PCDH15: variants seen among roughly 807,000 people sequenced by gnomAD.
PCDH15 encodes the protein protocadherin related 15.
In PCDH15, 129 loss-of-function variants were observed where a neutral mutation model predicts 178.5. That is an observed-to-expected ratio of 0.72 (90% CI 0.63 to 0.84). The LOEUF is 0.84. Ranked by LOEUF, PCDH15 falls within the 40% of genes least tolerant of loss-of-function variation. The pLI is 0.00. For synonymous variants in PCDH15, 800 were observed against 732.0 expected (o/e 1.09, Z -1.50); for missense variants, 2,230 against 2,099.9 (o/e 1.06, Z -1.21).
At chr10:54,765,061 C>T (rs369967437) in intron 1 of PCDH15, among the ~76,000 whole-genome samples, 2 of 152,206 alleles carry the variant, frequency 1.3e-5, no homozygotes, top group East Asian at 3.9e-4. Context: ...GAGGTTGATA[C>T]TTGAAAAGAA....
At position 55,087,605 on chromosome 10, in the gene PCDH15, G is replaced by C. The variant is rs535015604; in HGVS notation, c.-80+78971C>G. 1.5e-4 allele frequency among the ~76,000 whole-genome samples: 23 copies of C among 152,174 alleles called. No homozygotes were observed. In the South Asian group the frequency reaches 4.6e-3, roughly 30 times the overall value. On this transcript the variant is annotated intron_variant, in intron 2 of 5. Transcript: ENST00000458638. The stretch of plus-strand genomic sequence containing the variant: ...TGGAGGCTTCCCTGGATTATTGTTG[G>C]CATAGCTAAGACCAGAGAACAGTTA...
chr10:53,857,988 G>T (rs1218820877), intron 27 of PCDH15, among the ~76,000 whole-genome samples: 1 of 151,934 alleles, frequency 6.6e-6, no homozygotes, highest in Non-Finnish European at 1.5e-5. Flanking sequence ...GAATCAGGTT[G>T]TTATTAATAT....
chr10:55,224,069 T>A (rs953273055), intron 1 of PCDH15, among the ~76,000 whole-genome samples: 1 of 152,000 alleles, frequency 6.6e-6, no homozygotes, highest in Non-Finnish European at 1.5e-5. Flanking sequence ...CTGGACAACA[T>A]GGCGAAGCCC....
intron 2 of PCDH15, among the ~76,000 whole-genome samples, chr10:55,468,877 C>T (rs1303166555): frequency 6.6e-6 from 1 of 152,148 alleles, no homozygotes; most frequent in East Asian, 1.9e-4. Flanking sequence ...CTCTTATTTT[C>T]ACACACTGTC....
intron 2 of PCDH15, among the ~76,000 whole-genome samples, chr10:55,389,269 TAGAG>T (rs1837735482): frequency 6.6e-6 from 1 of 151,700 alleles, no homozygotes; most frequent in Non-Finnish European, 1.5e-5. Context: ...GGTGGAAAAA[TAGAG>T]AGGACATGGA....
chr10:54,432,806 A>C (rs1957114332), intron 3 of PCDH15, among the ~76,000 whole-genome samples: 1 of 152,092 alleles, frequency 6.6e-6, no homozygotes, highest in Non-Finnish European at 1.5e-5. Context: ...AGAATGATAG[A>C]AAATATTTGC....
intron 3 of PCDH15, among the ~76,000 whole-genome samples, chr10:54,428,547 C>T (rs536558015): frequency 8.5e-5 from 13 of 152,152 alleles, no homozygotes; most frequent in Admixed American, 3.3e-4. Flanking sequence ...GTAAGCATGT[C>T]GGTATGCACA....
chr10:54,953,301 T>C (rs1232547353), intron 2 of PCDH15, among the ~76,000 whole-genome samples: 1 of 151,496 alleles, frequency 6.6e-6, no homozygotes, highest in Non-Finnish European at 1.5e-5. Flanking sequence ...CTTCTATAGC[T>C]GTTGATGTGA....
chr10:53,844,868 A>T (rs2077873772), intron 28 of PCDH15, among the ~76,000 whole-genome samples: 1 of 152,014 alleles, frequency 6.6e-6, no homozygotes, highest in Non-Finnish European at 1.5e-5. Context: ...CAATGAAAGC[A>T]AAAATAGGCA....
intron 3 of PCDH15, among the ~76,000 whole-genome samples, chr10:54,492,432 A>T (rs1035774763): frequency 7.2e-5 from 11 of 152,190 alleles, no homozygotes; most frequent in Non-Finnish European, 1.6e-4. Flanking sequence ...GGATTATAGT[A>T]GTTACTGTCT....
intron 3 of PCDH15, among the ~76,000 whole-genome samples, chr10:54,807,811 A>T (rs1251270280): frequency 6.6e-6 from 1 of 150,990 alleles, no homozygotes; most frequent in Non-Finnish European, 1.5e-5. Flanking sequence ...TAATGACTGA[A>T]TTATTTTGAT....
chr10:54,711,497 C>G (rs2095427620), intron 1 of PCDH15, among the ~76,000 whole-genome samples: 1 of 151,754 alleles, frequency 6.6e-6, no homozygotes, highest in Non-Finnish European at 1.5e-5. Context: ...ACAATAAGGA[C>G]AACGTACAAA....
intron 10 of PCDH15, among the ~76,000 whole-genome samples, chr10:54,207,160 C>A (rs138242652): frequency 1.3e-5 from 2 of 152,096 alleles, no homozygotes; most frequent in South Asian, 4.1e-4. Flanking sequence ...TATTCAACTG[C>A]TACATTCTAT....
At chr10:54,552,743 G>A (rs991967460) in intron 2 of PCDH15, among the ~76,000 whole-genome samples, 2 of 152,198 alleles carry the variant, frequency 1.3e-5, no homozygotes, top group Admixed American at 6.5e-5. Flanking sequence ...CTACTATATG[G>A]GGTTGTGGGT....
chr10:53,961,780 A>T lies in PCDH15; in HGVS notation c.2981T>A (p.Leu994His), dbSNP rs548728030. 9 of 1,609,600 alleles carry T rather than the reference A, an allele frequency of 5.6e-6. No individual in the cohort carries two copies. The South Asian group carries it at 7.8e-5, about 14-fold the overall frequency. The change falls in exon 22 of 38, where the codon CTT becomes CAT. Residue 994 changes from leucine (L) to histidine (H), a missense_variant. Transcript: ENST00000644397. ...AAAAATTGTTGTAGGTTCTTCATTA[A>T]GATTGACTCGTGTTATTACTCTTCC... ...DSGRVITRVNLNEEPTTIFKL... is the reference protein window; with the variant it reads ...DSGRVITRVNHNEEPTTIFKL...
intron 10 of PCDH15, 57 bp from the exon 11 acceptor site, chr10:54,195,946 G>T: frequency 1.3e-6 from 2 of 1,514,096 alleles, no homozygotes; most frequent in Admixed American, 3.4e-5. Context: ...TATCTTTTTG[G>T]AGTTTCACTT....
At chr10:55,054,627 T>G (rs1031902773) in intron 2 of PCDH15, among the ~76,000 whole-genome samples, 4 of 151,996 alleles carry the variant, frequency 2.6e-5, no homozygotes, top group East Asian at 2.0e-4. Flanking sequence ...ACAGTTGAAC[T>G]AATTTACACT....
At chr10:55,070,889 T>C (rs1278913091) in intron 2 of PCDH15, among the ~76,000 whole-genome samples, 1 of 152,158 alleles carries the variant, frequency 6.6e-6, no homozygotes, top group Non-Finnish European at 1.5e-5. Flanking sequence ...TTTCACGATA[T>C]TGATTCTTCC....
At chr10:54,717,441 G>T (rs1352826595) in intron 1 of PCDH15, among the ~76,000 whole-genome samples, 1 of 144,026 alleles carries the variant, frequency 6.9e-6, no homozygotes, top group Admixed American at 7.1e-5. Context: ...CCATCAAAAA[G>T]TGGGCAAAGG....
Sources: allele counts gnomAD v4.1 joint callset (sites outside exome capture counted in the v4.1 genomes callset), GRCh38; gene constraint gnomAD v4.1.1; transcripts MANE v1.5; gene names NCBI Gene and HGNC (gene_info 2026-07-23, HGNC 2026-07-21).